The following CA10 variants were observed in gnomAD, a reference collection of about 807,000 sequenced individuals.
CA10 encodes the protein carbonic anhydrase 10 (inactive), also known as carbonic anhydrase-related protein 10.
In CA10, 14 loss-of-function variants were observed where a neutral mutation model predicts 44.2. The observed-to-expected ratio is 0.32, with a 90% CI of 0.21 to 0.50. The LOEUF (loss-of-function observed/expected upper bound fraction) is 0.50. Among genes scored for constraint, CA10 ranks in the 20% least tolerant of loss-of-function variants. The pLI, the probability that CA10 is intolerant of heterozygous loss-of-function variation, is 0.99. For synonymous variants in CA10, 159 were observed against 141.6 expected (o/e 1.12, Z -0.87); for missense variants, 350 against 409.7 (o/e 0.85, Z 1.26).
At chr17:51,897,377 G>A (rs1355581927) in intron 3 of CA10, among the ~76,000 whole-genome samples, 1 of 152,058 alleles carries the variant, frequency 6.6e-6, no homozygotes, top group African/African-American at 2.4e-5. Flanking sequence ...GATGGTTGTA[G>A]GTGTGAAGCT....
intron 2 of CA10, among the ~76,000 whole-genome samples, chr17:52,048,423 G>A (rs529194048): frequency 1.3e-5 from 2 of 152,052 alleles, no homozygotes; most frequent in South Asian, 2.1e-4. Context: ...GCAGTATAGC[G>A]GGTGGAAAGA....
intron 2 of CA10, among the ~76,000 whole-genome samples, chr17:52,024,385 T>G (rs1045268446): frequency 6.6e-6 from 1 of 151,934 alleles, no homozygotes; most frequent in Non-Finnish European, 1.5e-5. Flanking sequence ...GCCTATTAAG[T>G]AACATTAAGA....
chr17:51,744,531 G>A (rs1409377941), intron 4 of CA10, among the ~76,000 whole-genome samples: 1 of 151,902 alleles, frequency 6.6e-6, no homozygotes, highest in African/African-American at 2.4e-5. Context: ...AATTGATTGA[G>A]CCCAGGAGTT....
intron 2 of CA10, among the ~76,000 whole-genome samples, chr17:52,029,478 G>A (rs778748209): frequency 3.9e-5 from 6 of 152,044 alleles, no homozygotes; most frequent in East Asian, 3.9e-4. Context: ...TTAATAGAGC[G>A]CAGGTCTTGG....
chr17:51,947,771 G>A (rs140086522), intron 2 of CA10, among the ~76,000 whole-genome samples: 1 of 152,022 alleles, frequency 6.6e-6, no homozygotes, highest in Non-Finnish European at 1.5e-5. Flanking sequence ...TGCAGGAGGT[G>A]GCTGTGAGGA....
chr17:51,850,388 C>T (rs544424702), intron 3 of CA10, among the ~76,000 whole-genome samples: 13 of 152,292 alleles, frequency 8.5e-5, no homozygotes, highest in South Asian at 2.1e-4. Context: ...CAAGTACACT[C>T]GCCACCTAGA....
intron 1 of CA10, among the ~76,000 whole-genome samples, chr17:52,073,801 G>A (rs945179407): frequency 6.6e-6 from 1 of 152,186 alleles, no homozygotes; most frequent in African/African-American, 2.4e-5. Flanking sequence ...AAAGGAGGAA[G>A]TCACCTCAAA....
At chr17:52,144,359 G>A (rs921232594) in intron 1 of CA10, among the ~76,000 whole-genome samples, 2 of 152,124 alleles carry the variant, frequency 1.3e-5, no homozygotes, top group Non-Finnish European at 2.9e-5. Context: ...AAAATAATAA[G>A]CAAATTCCTG....
chr17:51,926,217 T>C (rs918982245), intron 3 of CA10, among the ~76,000 whole-genome samples: 6 of 152,128 alleles, frequency 3.9e-5, no homozygotes, highest in Admixed American at 2.0e-4. Flanking sequence ...CCCACAGCAT[T>C]GGACTGGAAG....
At chr17:51,899,737 G>A (rs1016923466) in intron 3 of CA10, among the ~76,000 whole-genome samples, 1 of 151,942 alleles carries the variant, frequency 6.6e-6, no homozygotes, top group Admixed American at 6.6e-5. Context: ...CTTCTATGTT[G>A]GGTGCATATA....
intron 4 of CA10, among the ~76,000 whole-genome samples, chr17:51,680,843 G>C (rs1054849494): frequency 6.6e-6 from 1 of 152,172 alleles, no homozygotes; most frequent in South Asian, 2.1e-4. Context: ...CACTTGGATA[G>C]TGATGAATGG....
intron 3 of CA10, among the ~76,000 whole-genome samples, chr17:51,866,487 C>T (rs548535153): frequency 2.4e-4 from 36 of 152,330 alleles, no homozygotes; most frequent in African/African-American, 7.2e-4. Context: ...GACCATGCTT[C>T]CAGTGACTCC....
chr17:52,087,261 C>T (rs1053047576), intron 1 of CA10, among the ~76,000 whole-genome samples: 2 of 152,188 alleles, frequency 1.3e-5, no homozygotes, highest in African/African-American at 4.8e-5. Flanking sequence ...TTGCCTCAGC[C>T]TCCTGAGTAG....
intron 2 of CA10, among the ~76,000 whole-genome samples, chr17:52,024,516 G>T (rs1405905691): frequency 6.6e-6 from 1 of 151,824 alleles, no homozygotes; most frequent in African/African-American, 2.4e-5. Context: ...GGGGGTGGGA[G>T]GGGGTAAAGC....
At chr17:51,895,087 C>G (rs1196729708) in intron 3 of CA10, among the ~76,000 whole-genome samples, 4 of 152,080 alleles carry the variant, frequency 2.6e-5, no homozygotes, top group African/African-American at 9.6e-5. Context: ...TTTATTTGAG[C>G]TAAGTATTTT....
In CA10 at chr17:52,131,711, A is replaced by T. The variant is rs150957173; in HGVS notation, c.61+26015T>A. Among the ~76,000 whole-genome samples, 604 of 152,262 alleles carry T rather than the reference A, an allele frequency of 4.0e-3. 5 individuals are homozygous for T. Among genetic ancestry groups the T allele is most frequent in the South Asian group, 0.028 (137 of 4,818 alleles). ...GGGTAACTTTCATTCTTTTAACTTA[A>T]ATCAGTTTCTGGATTTAGTTTATCA... On this transcript the variant is annotated intron_variant, in intron 1 of 8. Transcript: ENST00000451037.
chr17:51,941,265 T>C (rs562812996), intron 2 of CA10, among the ~76,000 whole-genome samples: 80 of 152,220 alleles, frequency 5.3e-4, no homozygotes, highest in Non-Finnish European at 1.0e-3. Flanking sequence ...ATATTTTGCT[T>C]TCTGAGAATT....
intron 2 of CA10, among the ~76,000 whole-genome samples, chr17:52,043,913 C>T (rs979787194): frequency 2.0e-5 from 3 of 152,002 alleles, no homozygotes; most frequent in Non-Finnish European, 4.4e-5. Flanking sequence ...CCTACTTGAT[C>T]AGGGTGTATG....
intron 3 of CA10, among the ~76,000 whole-genome samples, chr17:51,789,278 A>T (rs1405605128): frequency 1.3e-5 from 2 of 151,380 alleles, no homozygotes; most frequent in Non-Finnish European, 3.0e-5. Context: ...GGCCTCCCAC[A>T]GTGCTGGGAT....
Sources: allele counts gnomAD v4.1 joint callset (sites outside exome capture counted in the v4.1 genomes callset), GRCh38; gene constraint gnomAD v4.1.1; transcripts MANE v1.5; gene names NCBI Gene and HGNC (gene_info 2026-07-23, HGNC 2026-07-21).